Variants in MAML3 observed in about 807,000 individuals in gnomAD.
The protein encoded by MAML3 is mastermind-like protein 3.
A neutral mutation model predicts 101.9 loss-of-function variants in MAML3; 27 were observed. That is an observed-to-expected ratio of 0.27 (90% confidence interval 0.20 to 0.37). MAML3 has a LOEUF of 0.37. Among genes scored for constraint, MAML3 ranks in the 10% least tolerant of loss-of-function variants. The pLI, the probability that MAML3 is intolerant of heterozygous loss-of-function variation, is 1.00. For missense variants in MAML3, 1,316 were observed against 1,444.9 expected, an observed-to-expected ratio of 0.91 and a Z score of 1.45; for synonymous variants, 501 against 555.9, an observed-to-expected ratio of 0.90 and a Z score of 1.39.
chr4:139,882,499 G>A (rs1361398861), intron 2 of MAML3, among the ~76,000 whole-genome samples: 5 of 152,146 alleles, frequency 3.3e-5, no homozygotes, highest in Non-Finnish European at 4.4e-5. Flanking sequence ...TAGTAGGGAA[G>A]TCAGAGGACC....
At chr4:139,736,372 G>A (rs929262346) in intron 2 of MAML3, among the ~76,000 whole-genome samples, 5 of 152,164 alleles carry the variant, frequency 3.3e-5, no homozygotes, top group African/African-American at 1.2e-4. Flanking sequence ...GCCAAAGAGC[G>A]CAGCAGTTTT....
intron 2 of MAML3, among the ~76,000 whole-genome samples, chr4:139,858,895 T>G (rs953356108): frequency 5.9e-5 from 9 of 152,224 alleles, no homozygotes; most frequent in African/African-American, 2.2e-4. Flanking sequence ...TAATCATTAC[T>G]GGATCTGAAG....
chr4:139,727,690 T>C (rs1195492546), intron 3 of MAML3, among the ~76,000 whole-genome samples: 4 of 152,232 alleles, frequency 2.6e-5, no homozygotes, highest in African/African-American at 9.6e-5. Context: ...GAATACGGCA[T>C]TAAATGTGAA....
At chr4:140,003,343 A>G (rs1726362625) in intron 1 of MAML3, among the ~76,000 whole-genome samples, 1 of 152,162 alleles carries the variant, frequency 6.6e-6, no homozygotes, top group Admixed American at 6.5e-5. Context: ...TTCCAGATAT[A>G]CTGGGAGAAA....
At chr4:139,981,867 A>C (rs985170562) in intron 1 of MAML3, among the ~76,000 whole-genome samples, 1 of 152,216 alleles carries the variant, frequency 6.6e-6, no homozygotes, top group Non-Finnish European at 1.5e-5. Flanking sequence ...CCACAGAGAT[A>C]AAGTGCCATT....
intron 2 of MAML3, among the ~76,000 whole-genome samples, chr4:139,878,432 G>A (rs573420161): frequency 6.6e-6 from 1 of 152,230 alleles, no homozygotes; most frequent in East Asian, 1.9e-4. Flanking sequence ...CACTGTTTTG[G>A]TATCTTGCTT....
At chr4:140,104,400 T>TAA in intron 1 of MAML3, among the ~76,000 whole-genome samples, 1 of 86,366 alleles carries the variant, frequency 1.2e-5, no homozygotes, top group Non-Finnish European at 2.5e-5. Flanking sequence ...ATATATTATA[T>TAA]AATATATAAT....
intron 1 of MAML3, among the ~76,000 whole-genome samples, chr4:140,091,512 T>A (rs556985751): frequency 1.2e-3 from 88 of 74,200 alleles, no homozygotes; most frequent in African/African-American, 3.3e-3. Flanking sequence ...GAATGATTAG[T>A]GTAAAACAAA....
chr4:140,130,668 T>G (rs1728776859), intron 1 of MAML3, among the ~76,000 whole-genome samples: 2 of 152,246 alleles, frequency 1.3e-5, no homozygotes, highest in South Asian at 4.1e-4. Context: ...ACAAGAAAAG[T>G]GGCCCCAACT....
At chr4:139,975,397 A>C (rs1734311254) in intron 1 of MAML3, among the ~76,000 whole-genome samples, 1 of 152,260 alleles carries the variant, frequency 6.6e-6, no homozygotes, top group South Asian at 2.1e-4. Flanking sequence ...CTAAAATTGC[A>C]GCCTACCCTT....
chr4:140,141,870 AGATT>A (rs1728984971), intron 1 of MAML3, among the ~76,000 whole-genome samples: 1 of 152,238 alleles, frequency 6.6e-6, no homozygotes, highest in Non-Finnish European at 1.5e-5. Flanking sequence ...AAACCATATT[AGATT>A]AAGAGATTTT....
In MAML3 at chr4:140,028,925, CCTTT is replaced by C. The variant is rs1159339834; in HGVS notation, c.468+123931_468+123934del. 2.0e-5 allele frequency among the ~76,000 whole-genome samples: 3 copies of C among 152,202 alleles called. 1 individual carries two copies. Among genetic ancestry groups the C allele is most frequent in the Admixed American group, 6.5e-5 (1 of 15,288 alleles). The stretch of plus-strand genomic sequence containing the variant: ...AGACTTGATTTACTTTCAGCTTTCT[CCTTT>C]TTTTCCTTCTATTTTTGCACTGTTG... On this transcript the variant is annotated intron_variant, in intron 1 of 4. Coordinates refer to ENST00000509479, the MANE Select transcript of MAML3 (RefSeq NM_018717.5).
intron 1 of MAML3, among the ~76,000 whole-genome samples, chr4:140,023,090 C>A (rs1465061117): frequency 6.6e-6 from 1 of 152,144 alleles, no homozygotes; most frequent in East Asian, 1.9e-4. Context: ...ATATATGGAA[C>A]CCAGGTTTTC....
chr4:139,776,253 G>T (rs1026376429), intron 2 of MAML3, among the ~76,000 whole-genome samples: 1 of 152,092 alleles, frequency 6.6e-6, no homozygotes, highest in African/African-American at 2.4e-5. Flanking sequence ...TGTTGCAGAG[G>T]TGTTGTGATG....
At chr4:139,960,194 T>A (rs747137080) in intron 1 of MAML3, among the ~76,000 whole-genome samples, 7 of 152,254 alleles carry the variant, frequency 4.6e-5, no homozygotes, top group Non-Finnish European at 1.0e-4. Context: ...GCTTGAATCT[T>A]GGAAGTACAC....
chr4:140,085,174 G>A (rs1204572261), intron 1 of MAML3, among the ~76,000 whole-genome samples: 2 of 152,176 alleles, frequency 1.3e-5, no homozygotes, highest in East Asian at 3.8e-4. Context: ...AACAAATAAG[G>A]TCTAAATGCC....
chr4:139,838,680 G>A (rs1443222546), intron 2 of MAML3, among the ~76,000 whole-genome samples: 1 of 152,136 alleles, frequency 6.6e-6, no homozygotes, highest in African/African-American at 2.4e-5. Context: ...CACTGTCCAA[G>A]TTTTCCATAG....
intron 1 of MAML3, among the ~76,000 whole-genome samples, chr4:140,051,597 A>G (rs1277500385): frequency 3.9e-5 from 6 of 152,058 alleles, no homozygotes; most frequent in Non-Finnish European, 8.8e-5. Context: ...CAGGAGGTAC[A>G]GCTTGTTTCA....
chr4:139,949,691 T>C (rs1733800636), intron 1 of MAML3, among the ~76,000 whole-genome samples: 1 of 152,236 alleles, frequency 6.6e-6, no homozygotes, highest in Non-Finnish European at 1.5e-5. Context: ...TAAATTCCTT[T>C]TGACAAGATT....
Sources: gnomAD v4.1 joint callset for allele counts (sites outside exome capture counted in the v4.1 genomes callset) on GRCh38, gnomAD v4.1.1 for gene constraint, MANE v1.5 for transcripts, NCBI Gene and HGNC (gene_info 2026-07-23, HGNC 2026-07-21) for gene names.